LRRC31: variants seen among roughly 807,000 people sequenced by gnomAD.
The protein encoded by LRRC31 is leucine rich repeat containing 31, also known as leucine-rich repeat-containing protein 31.
Under a neutral mutation model 46.7 loss-of-function variants are expected in LRRC31, and 35 were observed. The ratio of observed to expected loss-of-function variants is 0.75; its 90% CI spans 0.57 to 0.99. LRRC31 has a LOEUF of 0.99. LRRC31 is among the 50% of genes least tolerant of loss of function. The pLI is 0.00. For missense variants in LRRC31, 613 were observed against 626.1 expected, an observed-to-expected ratio of 0.98 and a Z score of 0.22; for synonymous variants, 236 against 235.1, an observed-to-expected ratio of 1.00 and a Z score of -0.03.
chr3:169,848,377 C>A, intron 7 of LRRC31, 90 bp from the exon 8 acceptor site: 1 of 1,192,804 alleles, frequency 8.4e-7, no homozygotes. Context: ...TAGGACAACA[C>A]ATGAATATAA....
chr3:169,841,099 C>T (rs1197135864), intron 8 of LRRC31, among the ~76,000 whole-genome samples: 2 of 152,340 alleles, frequency 1.3e-5, no homozygotes, highest in South Asian at 2.1e-4. Flanking sequence ...AAATCCTTTT[C>T]ACAGCCTCTC....
intron 3 of LRRC31, among the ~76,000 whole-genome samples, chr3:169,857,321 T>TAC: frequency 1.3e-5 from 1 of 74,874 alleles, no homozygotes; most frequent in Non-Finnish European, 2.3e-5. Flanking sequence ...CACATGCCTA[T>TAC]ATATATATAT....
At position 169,839,907 on chromosome 3, in the gene LRRC31, C is replaced by G; in HGVS notation, c.*75G>C. The G allele has an allele frequency of 1.7e-6, 2 of 1,205,840 alleles. No homozygotes were observed. Among genetic ancestry groups the G allele is most frequent in the Non-Finnish European group, 2.3e-6 (2 of 855,016 alleles). 74.7% of individuals were successfully genotyped at this position (1,205,840 alleles called of 1,614,324 possible). A position where few individuals can be genotyped will look rare whatever the true frequency, so the allele number is the denominator to read the frequency against. On this transcript the variant is annotated 3_prime_UTR_variant, in exon 9 of 9. Coordinates refer to ENST00000316428, the MANE Select transcript of LRRC31 (RefSeq NM_024727.4). ...ATGGCCCAGAAGTTGAAATTCAGTT[C>G]ATGACTCTGGAATTCGTTCATGTTC...
chr3:169,865,519 A>G (rs1781304400), intron 1 of LRRC31, among the ~76,000 whole-genome samples: 1 of 152,198 alleles, frequency 6.6e-6, no homozygotes, highest in African/African-American at 2.4e-5. Context: ...AGGTTTGTCA[A>G]CCAAAACTCT....
intron 3 of LRRC31, among the ~76,000 whole-genome samples, chr3:169,857,297 A>G: frequency 7.5e-6 from 1 of 132,534 alleles, no homozygotes; most frequent in Non-Finnish European, 1.6e-5. Flanking sequence ...AGCTCTCTCC[A>G]ATGTCAAGAA....
chr3:169,840,241 T>A lies in LRRC31; in HGVS notation c.1400A>T (p.Asp467Val), dbSNP rs1158960346. Residue 467 changes from aspartate (D) to valine (V), a missense_variant, in exon 9 of 9, where the codon GAT becomes GTT. Physicochemically the swap from Asp to Val is radical, Grantham distance 152. Coordinates refer to ENST00000316428, the MANE Select transcript of LRRC31 (RefSeq NM_024727.4). ...LDLSYNDSIC[D>V]AGWTMFCQNV... is the part of the protein sequence containing the mutation. Reference sequence around the variant, plus strand: ...TTGGCAGAACATGGTCCACCCCGCATCACAGATGCTGTCATTGTAGCTCAG... The same window carrying A: ...TTGGCAGAACATGGTCCACCCCGCAACACAGATGCTGTCATTGTAGCTCAG... 6.2e-7 allele frequency: 1 copy of A among 1,614,050 alleles called. No homozygotes were observed. Among genetic ancestry groups the A allele is most frequent in the African/African-American group, 1.3e-5 (1 of 74,920 alleles).
At chr3:169,853,284 A>G (rs1412198062) in intron 6 of LRRC31, 5 of 985,114 alleles carry the variant, frequency 5.1e-6, no homozygotes, top group Non-Finnish European at 6.0e-6. Context: ...GGATAAAAGA[A>G]TGTTCAATTA....
chr3:169,868,296 C>A (rs1453789088), intron 1 of LRRC31, among the ~76,000 whole-genome samples: 3 of 152,208 alleles, frequency 2.0e-5, no homozygotes, highest in African/African-American at 7.2e-5. Flanking sequence ...GCCTGGAAAG[C>A]TATTTGCACA....
intron 1 of LRRC31, among the ~76,000 whole-genome samples, chr3:169,867,059 G>GT (rs547270762): frequency 0.016 from 1,684 of 105,220 alleles, 31 homozygotes; most frequent in Non-Finnish European, 0.021. Context: ...TTGTTTGTTT[G>GT]TTTTTTTTTT....
intron 8 of LRRC31, 110 bp downstream of exon 8, chr3:169,848,010 G>A: frequency 5.9e-6 from 6 of 1,011,452 alleles, no homozygotes; most frequent in Non-Finnish European, 1.5e-6. Flanking sequence ...TCTGCACAGA[G>A]GGCTTCACCC....
chr3:169,865,456 AG>A (rs35593817), intron 1 of LRRC31, among the ~76,000 whole-genome samples: 36,299 of 151,846 alleles, frequency 0.24, 5,136 homozygotes, highest in East Asian at 0.56. Flanking sequence ...CTCTGAACAA[AG>A]CTCTCGGTTC....
chr3:169,840,142 T>C lies in LRRC31; in HGVS notation c.1499A>G (p.Gln500Arg). 1 of 1,614,166 alleles carries C rather than the reference T, an allele frequency of 6.2e-7. No individual in the cohort carries two copies. The highest frequency in any genetic ancestry group is 8.5e-7 in the Non-Finnish European group (1 of 1,180,028). The change falls in exon 9 of 9, where the codon CAA becomes CGA. Residue 500 changes from glutamine to arginine, a missense_variant. Transcript: ENST00000316428. Reference protein sequence around the residue: ...LRPSNFRDCGQWFRHLLYAVT... With the variant: ...LRPSNFRDCGRWFRHLLYAVT... ...AGCATATAACAAGTGTCTAAACCAT[T>C]GTCCACAATCTCGAAAATTTGATGG...
intron 2 of LRRC31, 90 bp from the exon 3 acceptor site, chr3:169,860,818 GT>G: frequency 7.6e-7 from 1 of 1,318,222 alleles, no homozygotes; most frequent in Non-Finnish European, 1.1e-6. Context: ...ACAGGATATA[GT>G]TTTACACTGT....
intron 8 of LRRC31, among the ~76,000 whole-genome samples, chr3:169,843,254 T>A (rs2108198233): frequency 6.6e-6 from 1 of 152,322 alleles, no homozygotes; most frequent in South Asian, 2.1e-4. Context: ...TCAAGGAATG[T>A]GGCTGGCCTC....
In LRRC31 at chr3:169,848,490, C is replaced by T. The variant is rs571187617; in HGVS notation, c.1160-203G>A. Among the ~76,000 whole-genome samples the T allele has an allele frequency of 6.4e-4, 97 of 152,244 alleles. 2 individuals are homozygous for T. The South Asian group carries it at 0.019, about 30-fold the overall frequency. ...TTTTTTGTTTTGAGACAGAGCCTTGCTCTGTCACCAGGCTGGAGTGCAGTG... is the reference window on the plus strand; with the variant it reads ...TTTTTTGTTTTGAGACAGAGCCTTGTTCTGTCACCAGGCTGGAGTGCAGTG... On this transcript the variant is annotated intron_variant, in intron 7 of 8. Transcript: ENST00000316428.
At chr3:169,844,690 T>C (rs970850646) in intron 8 of LRRC31, among the ~76,000 whole-genome samples, 3 of 152,198 alleles carry the variant, frequency 2.0e-5, no homozygotes, top group Non-Finnish European at 4.4e-5. Flanking sequence ...TCCCAGCACT[T>C]TGGGAGGCTG....
chr3:169,852,276 G>A (rs1417240339), intron 6 of LRRC31, among the ~76,000 whole-genome samples: 3 of 150,994 alleles, frequency 2.0e-5, no homozygotes, highest in African/African-American at 7.3e-5. Flanking sequence ...AGTGGCGGGC[G>A]CCTGTAGTTC....
intron 8 of LRRC31, among the ~76,000 whole-genome samples, chr3:169,844,462 A>C (rs1206071651): frequency 6.6e-6 from 1 of 152,190 alleles, no homozygotes; most frequent in African/African-American, 2.4e-5. Flanking sequence ...AGCTACAAAA[A>C]AACCTATAGC....
chr3:169,856,649 C>G (rs117557807), intron 4 of LRRC31, 56 bp downstream of exon 4: 1 of 1,492,642 alleles, frequency 6.7e-7, no homozygotes, highest in Non-Finnish European at 8.9e-7. Context: ...AGCAAACTTC[C>G]CAAGCTATCC....
Sources: allele counts gnomAD v4.1 joint callset (sites outside exome capture counted in the v4.1 genomes callset), GRCh38; gene constraint gnomAD v4.1.1; transcripts MANE v1.5; gene names NCBI Gene and HGNC (gene_info 2026-07-23, HGNC 2026-07-21).